SPICE1: variants seen among roughly 807,000 people sequenced by gnomAD.
SPICE1 encodes spindle and centriole associated protein 1.
A neutral mutation model predicts 102.7 loss-of-function variants in SPICE1; 75 were observed. That is an observed-to-expected ratio of 0.73 (90% CI 0.61 to 0.88). The LOEUF is 0.88. Among genes scored for constraint, SPICE1 ranks in the 40% least tolerant of loss-of-function variants. The probability of loss-of-function intolerance (pLI) is 0.00; values close to 1 mark genes in which losing one functional copy is unlikely to be tolerated. For missense variants in SPICE1, 979 were observed against 1,020.1 expected, an observed-to-expected ratio of 0.96 and a Z score of 0.55; for synonymous variants, 308 against 350.3, an observed-to-expected ratio of 0.88 and a Z score of 1.35.
chr3:113,493,941 T>C (rs1936817568), intron 5 of SPICE1, 108 bp downstream of exon 5: 2 of 708,638 alleles, frequency 2.8e-6, no homozygotes, highest in East Asian at 2.7e-5. Flanking sequence ...CCTACAATAC[T>C]TGTAATATAA....
chr3:113,475,305 CA>C (rs1936314851), intron 7 of SPICE1, among the ~76,000 whole-genome samples: 1 of 152,110 alleles, frequency 6.6e-6, no homozygotes, highest in Non-Finnish European at 1.5e-5. Flanking sequence ...GCTTACCAAT[CA>C]AAAAGAGTCA....
chr3:113,509,860 G>C (rs939514303), intron 1 of SPICE1, among the ~76,000 whole-genome samples: 8 of 152,110 alleles, frequency 5.3e-5, no homozygotes, highest in Admixed American at 5.2e-4. Flanking sequence ...AGATCTGATG[G>C]GTTTATAAGT....
rs774045949 is a variant in SPICE1, at chr3:113,468,905, A to G, written c.752-6T>C. 2 of 1,599,568 alleles carry G rather than the reference A, an allele frequency of 1.3e-6. No individual in the cohort carries two copies. The highest frequency in any genetic ancestry group is 1.7e-6 in the Non-Finnish European group (2 of 1,176,146). On this transcript the variant is annotated splice_region_variant and splice_polypyrimidine_tract_variant and intron_variant, in intron 8 of 17. Coordinates refer to ENST00000295872, the MANE Select transcript of SPICE1 (RefSeq NM_144718.4). The stretch of plus-strand genomic sequence containing the variant: ...ATTGGTAGCATTCAGAGCAGCTAAA[A>G]GGAAGAACATTTCCAAAAGTATCTC...
chr3:113,464,440 A>T (rs1936005507), intron 11 of SPICE1, among the ~76,000 whole-genome samples: 1 of 151,856 alleles, frequency 6.6e-6, no homozygotes, highest in Non-Finnish European at 1.5e-5. Context: ...TATTTTTTGT[A>T]GAGACAGGTC....
chr3:113,457,149 A>C lies in SPICE1; in HGVS notation c.1644T>G (p.Ser548=), dbSNP rs776970372. ...AAGAAGACTTACCGTCCTGAAGAGG[A>C]GAGAATTTTAAGTTGCTCTTCTGCC... ...PPRQKSNLKF[S]PLQDVLRRTV... The change falls in exon 13 of 18, where the codon TCT becomes TCG. Residue 548 remains serine (S), a synonymous_variant. Transcript: ENST00000295872. 8 of 1,614,160 alleles carry C rather than the reference A, an allele frequency of 5.0e-6. No homozygotes were observed. In the South Asian group the frequency reaches 8.8e-5, roughly 18 times the overall value.
Position 113,468,788 on chromosome 3 carries a change from C to T in SPICE1, c.863G>A (p.Arg288Lys). The change falls in exon 9 of 18, where the codon AGG becomes AAG. Residue 288 changes from arginine to lysine, a missense_variant. Arg to Lys is a conservative substitution (Grantham distance 26). Transcript: ENST00000295872. ...SYVVGHVLNS[R>K]KQKQLLNKVK... is the part of the protein sequence containing the mutation. Reference sequence around the variant, plus strand: ...TTTATTTAACAGCTGTTTTTGCTTCCTTGAGTTCAGCACGTGTCCCACAAC... The same window carrying T: ...TTTATTTAACAGCTGTTTTTGCTTCTTTGAGTTCAGCACGTGTCCCACAAC... The T allele has an allele frequency of 1.2e-6, 2 of 1,612,790 alleles. No homozygotes were observed. Among genetic ancestry groups the T allele is most frequent in the Non-Finnish European group, 1.7e-6 (2 of 1,179,708 alleles).
At chr3:113,458,317 A>G (rs1935831962) in intron 12 of SPICE1, among the ~76,000 whole-genome samples, 1 of 152,026 alleles carries the variant, frequency 6.6e-6, no homozygotes, top group Non-Finnish European at 1.5e-5. Flanking sequence ...TCCCTGCCTG[A>G]TTCTCCTGCC....
chr3:113,454,502 A>T (rs565597988), intron 13 of SPICE1, among the ~76,000 whole-genome samples: 48 of 152,214 alleles, frequency 3.2e-4, no homozygotes, highest in African/African-American at 1.2e-3. Flanking sequence ...TCAGGTCAGG[A>T]GTTCGAGATC....
Position 113,445,223 on chromosome 3 carries a change from G to A in SPICE1, c.*84C>T. 9.6e-7 allele frequency: 1 copy of A among 1,041,658 alleles called. No individual in the cohort carries two copies. The highest frequency in any genetic ancestry group is 1.5e-6 in the Non-Finnish European group (1 of 689,002). The allele number at this position is 1,041,658 out of a possible 1,614,324, so 64.5% of individuals were successfully genotyped here. Reference sequence around the variant, plus strand: ...GGATCTTTGTAGGTTTTATCTGAAAGAAGGATATAAAAACTTAAAAGTCAG... The same window carrying A: ...GGATCTTTGTAGGTTTTATCTGAAAAAAGGATATAAAAACTTAAAAGTCAG... On this transcript the variant is annotated 3_prime_UTR_variant, in exon 18 of 18. Transcript: ENST00000295872.
intron 7 of SPICE1, among the ~76,000 whole-genome samples, chr3:113,473,811 G>A (rs1262453399): frequency 2.2e-4 from 33 of 151,710 alleles, no homozygotes; most frequent in Middle Eastern, 3.4e-3. Context: ...AGGAACAACC[G>A]GTACCAGCCG....
At chr3:113,506,670 G>T in intron 1 of SPICE1, 65 bp from the exon 2 acceptor site, 1 of 1,282,348 alleles carries the variant, frequency 7.8e-7, no homozygotes, top group East Asian at 2.4e-5. Flanking sequence ...CACCAGAGTG[G>T]GGGAAGACAC....
At chr3:113,506,376 C>T (rs1937112207) in intron 2 of SPICE1, 131 bp downstream of exon 2, 2 of 703,496 alleles carry the variant, frequency 2.8e-6, no homozygotes, top group Non-Finnish European at 4.7e-6. Context: ...ATATCACATG[C>T]CCAGAAACCT....
chr3:113,456,854 A>AT (rs1303305453), intron 13 of SPICE1, among the ~76,000 whole-genome samples: 2 of 152,112 alleles, frequency 1.3e-5, no homozygotes, highest in African/African-American at 4.8e-5. Flanking sequence ...GACAAAAGGG[A>AT]TTCCCCTTAC....
chr3:113,446,999 G>A (rs1009874620), intron 16 of SPICE1, among the ~76,000 whole-genome samples: 2 of 152,090 alleles, frequency 1.3e-5, no homozygotes, highest in African/African-American at 4.8e-5. Flanking sequence ...CTATTCTCGT[G>A]ATAGTAAATA....
In SPICE1 at chr3:113,457,117, A is replaced by T. The variant is rs751289435; in HGVS notation, c.1657+19T>A. 3 of 1,605,056 alleles carry T rather than the reference A, an allele frequency of 1.9e-6. No individual in the cohort carries two copies. Among genetic ancestry groups the T allele is most frequent in the African/African-American group, 1.3e-5 (1 of 74,544 alleles). ...AACATTAAAAAACAACTTTCATGTA[A>T]CTTTAGAAGAAGACTTACCGTCCTG... is the stretch of plus-strand genomic sequence containing the variant. On this transcript the variant is annotated intron_variant, in intron 13 of 17. Coordinates refer to ENST00000295872, the MANE Select transcript of SPICE1 (RefSeq NM_144718.4).
intron 4 of SPICE1, among the ~76,000 whole-genome samples, chr3:113,496,059 C>CTTTTTTTT (rs10557473): frequency 4.8e-5 from 4 of 82,920 alleles, no homozygotes; most frequent in Non-Finnish European, 6.9e-5. Flanking sequence ...TTTTTTACAA[C>CTTTTTTTT]TTTTTTTTTT....
rs1388511300 is a variant in SPICE1 at position 113,444,785 on chromosome 3, T to C, written c.*522A>G. 6.6e-6 allele frequency: 1 copy of C among 152,316 alleles called. No homozygotes were observed. Among genetic ancestry groups the C allele is most frequent in the Non-Finnish European group, 1.5e-5 (1 of 68,136 alleles). The allele number at this position is 152,316 out of a possible 1,614,324, so 9.4% of individuals were successfully genotyped here. On this transcript the variant is annotated 3_prime_UTR_variant, in exon 18 of 18. Transcript: ENST00000295872. ...CAAACACTCCCAGGCCTATTGTTTT[T>C]AAGGCTGTATATTTCACTTGATGGA...
At chr3:113,460,095 A>G in intron 12 of SPICE1, 5 of 985,432 alleles carry the variant, frequency 5.1e-6, no homozygotes, top group Non-Finnish European at 6.0e-6. Context: ...AAAATGTCCA[A>G]TTCAGCCTAT....
rs368716702 is a variant in SPICE1 at position 113,457,135 on chromosome 3, C to T, written c.1657+1G>A. 5.3e-5 allele frequency: 86 copies of T among 1,612,630 alleles called. No homozygotes were observed. The highest frequency in any genetic ancestry group is 6.4e-5 in the Non-Finnish European group (75 of 1,179,028). The stretch of plus-strand genomic sequence containing the variant: ...TCATGTAACTTTAGAAGAAGACTTA[C>T]CGTCCTGAAGAGGAGAGAATTTTAA... On this transcript the variant is annotated splice_donor_variant, in intron 13 of 17. Coordinates refer to ENST00000295872, the MANE Select transcript of SPICE1 (RefSeq NM_144718.4). LOFTEE classifies it high-confidence loss of function.
Sources: gnomAD v4.1 joint callset for allele counts (sites outside exome capture counted in the v4.1 genomes callset) on GRCh38, gnomAD v4.1.1 for gene constraint, MANE v1.5 for transcripts, NCBI Gene and HGNC (gene_info 2026-07-23, HGNC 2026-07-21) for gene names.